Variants in CCSER2 observed in about 807,000 individuals in gnomAD.
The protein encoded by CCSER2 is coiled-coil serine rich protein 2.
CCSER2 carries 46 observed loss-of-function variants against 92.3 expected under a neutral mutation model. The observed-to-expected ratio is 0.50, with a 90% CI of 0.39 to 0.64. The LOEUF (loss-of-function observed/expected upper bound fraction) is 0.64. Among genes scored for constraint, CCSER2 ranks in the 30% least tolerant of loss-of-function variants. CCSER2 has a pLI of 0.00. For synonymous variants in CCSER2, 433 were observed against 431.4 expected (o/e 1.00, Z -0.04); for missense variants, 1,244 against 1,238.9 (o/e 1.00, Z -0.06).
intron 9 of CCSER2, among the ~76,000 whole-genome samples, chr10:84,479,168 C>CAAAAGTAACTATAAA (rs766686381): frequency 6.6e-6 from 1 of 152,092 alleles, no homozygotes; most frequent in Non-Finnish European, 1.5e-5. Flanking sequence ...CCTCATCAGA[C>CAAAAGTAACTATAAA]AAAAGTAACT....
chr10:84,380,280 C>A (rs1217220173), intron 3 of CCSER2, among the ~76,000 whole-genome samples: 1 of 151,690 alleles, frequency 6.6e-6, no homozygotes, highest in Admixed American at 6.6e-5. Context: ...AGTTTTGTTT[C>A]CTTTTATGTA....
chr10:84,368,208 A>C (rs1281154900), intron 1 of CCSER2, among the ~76,000 whole-genome samples: 1 of 152,088 alleles, frequency 6.6e-6, no homozygotes, highest in Non-Finnish European at 1.5e-5. Flanking sequence ...ATTTCTTAAA[A>C]TTTTCAAGTT....
chr10:84,430,068 A>G (rs575947225), intron 5 of CCSER2, among the ~76,000 whole-genome samples: 3 of 152,148 alleles, frequency 2.0e-5, no homozygotes, highest in African/African-American at 7.2e-5. Context: ...TGGAGATTTC[A>G]TTGAATGCCT....
At chr10:84,352,876 C>T (rs1356397711) in intron 1 of CCSER2, among the ~76,000 whole-genome samples, 4 of 152,030 alleles carry the variant, frequency 2.6e-5, no homozygotes, top group East Asian at 1.9e-4. Context: ...CTGCAACCTC[C>T]GCCTTTTAGG....
chr10:84,407,639 C>T (rs900482825), intron 3 of CCSER2, among the ~76,000 whole-genome samples: 1 of 152,216 alleles, frequency 6.6e-6, no homozygotes, highest in African/African-American at 2.4e-5. Flanking sequence ...GTTTTTCTGT[C>T]TCACTTAAAT....
chr10:84,491,417 AC>A (rs1848157958), intron 9 of CCSER2, among the ~76,000 whole-genome samples: 1 of 151,850 alleles, frequency 6.6e-6, no homozygotes, highest in African/African-American at 2.4e-5. Flanking sequence ...CACTTTCTTT[AC>A]CTACTCAAGC....
intron 1 of CCSER2, among the ~76,000 whole-genome samples, chr10:84,338,397 C>CT (rs1295845120): frequency 1.3e-5 from 2 of 151,508 alleles, no homozygotes; most frequent in African/African-American, 2.4e-5. Flanking sequence ...TTCCAGCTTA[C>CT]TTTTTTTTCT....
chr10:84,394,132 T>C (rs2133275594), intron 3 of CCSER2, among the ~76,000 whole-genome samples: 1 of 152,320 alleles, frequency 6.6e-6, no homozygotes, highest in Middle Eastern at 3.4e-3. Flanking sequence ...CATAATTATA[T>C]TTTTCTTCAT....
intron 1 of CCSER2, among the ~76,000 whole-genome samples, chr10:84,345,009 G>A (rs1033689317): frequency 1.2e-4 from 19 of 152,290 alleles, no homozygotes; most frequent in Non-Finnish European, 2.6e-4. Flanking sequence ...ATAAATATCA[G>A]CTGCTGTTTT....
chr10:84,409,302 T>TA (rs1393626467), intron 3 of CCSER2, among the ~76,000 whole-genome samples: 2 of 143,530 alleles, frequency 1.4e-5, no homozygotes, highest in African/African-American at 2.5e-5. Context: ...ATTTATTTAT[T>TA]TAAAAAAATT....
chr10:84,470,867 G>GGGTA (rs1221751680), intron 8 of CCSER2, among the ~76,000 whole-genome samples: 2 of 151,980 alleles, frequency 1.3e-5, no homozygotes, highest in African/African-American at 4.8e-5. Context: ...TCAGATTGAA[G>GGGTA]GGTACTCCAA....
rs757125255 is a variant in CCSER2, at chr10:84,513,572, G to A, written c.2449G>A (p.Gly817Ser). Residue 817 changes from glycine to serine, a missense_variant, in exon 10 of 10, where the codon GGT (glycine) becomes AGT (serine). Physicochemically the swap from Gly to Ser is moderately conservative, Grantham distance 56 (BLOSUM62 0). Coordinates refer to ENST00000372088, the MANE Select transcript of CCSER2 (RefSeq NM_001284240.2). Reference sequence around the variant, plus strand: ...CTCAATCCAAGACATGCATCAGGGCGGTGCACATCCGGAAGAAAGCTTTAC... The same window carrying A: ...CTCAATCCAAGACATGCATCAGGGCAGTGCACATCCGGAAGAAAGCTTTAC... ...ECSIQDMHQG[G>S]AHPEESFTHV... 6.8e-6 allele frequency: 11 copies of A among 1,613,772 alleles called. No individual in the cohort carries two copies. Among genetic ancestry groups the A allele is most frequent in the South Asian group, 1.1e-5 (1 of 91,076 alleles).
chr10:84,466,611 T>C (rs1281045645), intron 7 of CCSER2, among the ~76,000 whole-genome samples: 2 of 151,522 alleles, frequency 1.3e-5, no homozygotes, highest in African/African-American at 2.4e-5. Flanking sequence ...TTCATGCCAT[T>C]CTCCTGCCTC....
intron 3 of CCSER2, chr10:84,393,990 T>A (rs1841677954): frequency 6.6e-6 from 1 of 152,260 alleles, no homozygotes; most frequent in Admixed American, 6.5e-5. Context: ...AGAAGGGAGC[T>A]ACTCCAACTC....
At chr10:84,491,824 G>T (rs1450738105) in intron 9 of CCSER2, among the ~76,000 whole-genome samples, 1 of 152,184 alleles carries the variant, frequency 6.6e-6, no homozygotes, top group South Asian at 2.1e-4. Flanking sequence ...CCCCTCTTCT[G>T]GGTTGCTCAC....
chr10:84,451,522 G>A (rs1845290704), intron 6 of CCSER2, among the ~76,000 whole-genome samples: 1 of 152,086 alleles, frequency 6.6e-6, no homozygotes, highest in Non-Finnish European at 1.5e-5. Context: ...TTATACTGTA[G>A]CAGAACACAG....
intron 3 of CCSER2, chr10:84,374,017 T>C (rs1483223709): frequency 8.8e-7 from 1 of 1,141,556 alleles, no homozygotes. Flanking sequence ...GACTTAAATA[T>C]ACTCAACATG....
chr10:84,450,795 A>G (rs1845232534), intron 6 of CCSER2, among the ~76,000 whole-genome samples: 1 of 152,226 alleles, frequency 6.6e-6, no homozygotes, highest in Admixed American at 6.5e-5. Flanking sequence ...CTTATAGTCT[A>G]GGGGAATATA....
intron 1 of CCSER2, among the ~76,000 whole-genome samples, chr10:84,342,159 A>G (rs1197219036): frequency 1.3e-5 from 2 of 152,094 alleles, no homozygotes; most frequent in Non-Finnish European, 2.9e-5. Context: ...GAGGTTAACT[A>G]GGGCTCCCCA....
Sources: gnomAD v4.1 joint callset for allele counts (sites outside exome capture counted in the v4.1 genomes callset) on GRCh38, gnomAD v4.1.1 for gene constraint, MANE v1.5 for transcripts, NCBI Gene and HGNC (gene_info 2026-07-23, HGNC 2026-07-21) for gene names.